Variants in PLSCR4 observed in about 807,000 individuals in gnomAD.
PLSCR4 encodes phospholipid scramblase 4.
Under a neutral mutation model 36.3 loss-of-function variants are expected in PLSCR4, and 25 were observed. The observed-to-expected ratio is 0.69, with a 90% CI of 0.50 to 0.96. PLSCR4 has a LOEUF of 0.96. PLSCR4 is among the 40% of genes least tolerant of loss of function. PLSCR4 has a pLI of 0.00. For synonymous variants in PLSCR4, 122 were observed against 132.9 expected (o/e 0.92, Z 0.56); for missense variants, 408 against 414.7 (o/e 0.98, Z 0.14).
At chr3:146,225,708 G>T (rs151167402) in intron 1 of PLSCR4, among the ~76,000 whole-genome samples, 39,940 of 152,094 alleles carry the variant, frequency 0.26, 6,442 homozygotes, top group Admixed American at 0.34. Context: ...GGCCAGCAGG[G>T]CTGGCCGACT....
intron 2 of PLSCR4, 29 bp downstream of exon 2, chr3:146,222,036 C>A (rs1434662804): frequency 2.5e-6 from 3 of 1,193,390 alleles, no homozygotes; most frequent in Non-Finnish European, 3.5e-6. Context: ...GAAAATAAAG[C>A]ATATTCAAAT....
At chr3:146,245,229 C>A (rs2036292119) in intron 1 of PLSCR4, among the ~76,000 whole-genome samples, 1 of 151,988 alleles carries the variant, frequency 6.6e-6, no homozygotes, top group Admixed American at 6.6e-5. Context: ...AATATATCCC[C>A]TCCTGGCCCC....
At chr3:146,230,521 G>A (rs1372847557) in intron 1 of PLSCR4, among the ~76,000 whole-genome samples, 1 of 152,100 alleles carries the variant, frequency 6.6e-6, no homozygotes, top group Non-Finnish European at 1.5e-5. Context: ...AGGGAGTGTT[G>A]GGGTCTTTGC....
In PLSCR4 at chr3:146,194,377, A is replaced by T; in HGVS notation, c.*34T>A. ...CCCAATCCAACTTTTCCATTTTTCAAAATTAACCATAGTTGATGGCTTGCT... is the reference window on the plus strand; with the variant it reads ...CCCAATCCAACTTTTCCATTTTTCATAATTAACCATAGTTGATGGCTTGCT... On this transcript the variant is annotated 3_prime_UTR_variant, in exon 9 of 9. Coordinates refer to ENST00000354952, the MANE Select transcript of PLSCR4 (RefSeq NM_020353.3). 1 of 1,530,666 alleles carries T rather than the reference A, an allele frequency of 6.5e-7. No homozygotes were observed. The highest frequency in any genetic ancestry group is 9.0e-7 in the Non-Finnish European group (1 of 1,105,656). The allele number at this position is 1,530,666 out of a possible 1,614,324, so 94.8% of individuals were successfully genotyped here. A position where few individuals can be genotyped will look rare whatever the true frequency, so the allele number is the denominator to read the frequency against.
At chr3:146,228,240 T>C (rs746838000) in intron 1 of PLSCR4, among the ~76,000 whole-genome samples, 5 of 152,224 alleles carry the variant, frequency 3.3e-5, no homozygotes, top group Non-Finnish European at 7.3e-5. Context: ...ATTTCACTAG[T>C]AAGACATACT....
chr3:146,225,158 A>G (rs1338684145), intron 1 of PLSCR4, among the ~76,000 whole-genome samples: 1 of 151,716 alleles, frequency 6.6e-6, no homozygotes, highest in Non-Finnish European at 1.5e-5. Context: ...CTTGAGCTAA[A>G]CACAGGGTGC....
At chr3:146,226,038 T>G (rs2035462702) in intron 1 of PLSCR4, among the ~76,000 whole-genome samples, 3 of 151,902 alleles carry the variant, frequency 2.0e-5, no homozygotes, top group Admixed American at 1.3e-4. Flanking sequence ...ACAAAATACT[T>G]CATCTGATAA....
chr3:146,246,102 G>C (rs939392742), intron 1 of PLSCR4, among the ~76,000 whole-genome samples: 1 of 152,004 alleles, frequency 6.6e-6, no homozygotes, highest in Non-Finnish European at 1.5e-5. Context: ...ACGAATTCCA[G>C]GCTTGCACAA....
chr3:146,231,621 C>T (rs1476269114), intron 1 of PLSCR4, among the ~76,000 whole-genome samples: 1 of 151,978 alleles, frequency 6.6e-6, no homozygotes, highest in African/African-American at 2.4e-5. Flanking sequence ...CTGATGCTGA[C>T]CCTGTTTTCT....
intron 7 of PLSCR4, among the ~76,000 whole-genome samples, chr3:146,195,845 G>A (rs951907108): frequency 6.6e-6 from 1 of 152,162 alleles, no homozygotes; most frequent in Non-Finnish European, 1.5e-5. Flanking sequence ...CTAGCAATCT[G>A]GCTTATCTAC....
At chr3:146,222,353 A>G in intron 1 of PLSCR4, 1 of 221,830 alleles carries the variant, frequency 4.5e-6, no homozygotes, top group South Asian at 1.8e-4. Flanking sequence ...ATGAGATTTA[A>G]AAAAAGTCAA....
intron 1 of PLSCR4, among the ~76,000 whole-genome samples, chr3:146,240,412 C>T (rs1281117104): frequency 6.6e-6 from 1 of 152,130 alleles, no homozygotes; most frequent in Non-Finnish European, 1.5e-5. Flanking sequence ...GAGTTAGAAA[C>T]CCGGGTAACA....
At chr3:146,223,324 TAAC>T (rs1272901065) in intron 1 of PLSCR4, among the ~76,000 whole-genome samples, 2 of 151,954 alleles carry the variant, frequency 1.3e-5, no homozygotes, top group African/African-American at 4.8e-5. Flanking sequence ...TAATGACAAA[TAAC>T]AAAAAGAGTA....
intron 1 of PLSCR4, among the ~76,000 whole-genome samples, chr3:146,243,780 T>C (rs1347276980): frequency 1.3e-5 from 2 of 152,204 alleles, no homozygotes; most frequent in Non-Finnish European, 2.9e-5. Flanking sequence ...GGAAACATTC[T>C]GAAAAGTCAT....
chr3:146,208,860 T>TAAAAC (rs2034479023), intron 3 of PLSCR4, among the ~76,000 whole-genome samples: 3 of 152,098 alleles, frequency 2.0e-5, no homozygotes, highest in African/African-American at 7.2e-5. Context: ...TGGAGATTCC[T>TAAAAC]TAAAGAACTA....
intron 1 of PLSCR4, among the ~76,000 whole-genome samples, chr3:146,240,470 TG>T (rs34324826): frequency 0.057 from 8,708 of 152,160 alleles, 280 homozygotes; most frequent in African/African-American, 0.082. Context: ...CTGAGCAAGG[TG>T]GCATGTACCC....
At chr3:146,235,838 C>T (rs1342209453) in intron 1 of PLSCR4, among the ~76,000 whole-genome samples, 1 of 152,136 alleles carries the variant, frequency 6.6e-6, no homozygotes, top group Non-Finnish European at 1.5e-5. Flanking sequence ...AAAGGTACTT[C>T]TGTTCCTTAA....
At chr3:146,209,039 T>G (rs1056940774) in intron 3 of PLSCR4, among the ~76,000 whole-genome samples, 1 of 151,842 alleles carries the variant, frequency 6.6e-6, no homozygotes, top group Admixed American at 6.6e-5. Flanking sequence ...TAAAGAAAAA[T>G]GTGGGATTAC....
chr3:146,243,698 T>C (rs1336620894), intron 1 of PLSCR4, among the ~76,000 whole-genome samples: 1 of 152,112 alleles, frequency 6.6e-6, no homozygotes, highest in South Asian at 2.1e-4. Context: ...GAATAAGAAA[T>C]TGTGTCAGTC....
Sources: allele counts gnomAD v4.1 joint callset (sites outside exome capture counted in the v4.1 genomes callset), GRCh38; gene constraint gnomAD v4.1.1; transcripts MANE v1.5; gene names NCBI Gene and HGNC (gene_info 2026-07-23, HGNC 2026-07-21).